PALM2AKAP2: variants seen among roughly 807,000 people sequenced by gnomAD.
The protein encoded by PALM2AKAP2 is PALM2-AKAP2 fusion protein.
In PALM2AKAP2, 37 loss-of-function variants were observed where a neutral mutation model predicts 71.5. That is an observed-to-expected ratio of 0.52 (90% confidence interval 0.40 to 0.68). PALM2AKAP2 has a LOEUF of 0.68. PALM2AKAP2 is among the 30% of genes least tolerant of loss of function. The pLI, the probability that PALM2AKAP2 is intolerant of heterozygous loss-of-function variation, is 0.00. For missense variants in PALM2AKAP2, 1,224 were observed against 1,191.8 expected (o/e 1.03, Z -0.40); for synonymous variants, 468 against 478.8 (o/e 0.98, Z 0.29).
chr9:109,956,734 G>A lies in PALM2AKAP2; in HGVS notation c.496+24706G>A, dbSNP rs550720085. Among the ~76,000 whole-genome samples the A allele has an allele frequency of 3.3e-4, 51 of 152,272 alleles. No homozygotes were observed. In the South Asian group the frequency reaches 1.0e-2, roughly 30 times the overall value. ...TCCTGTTAAAAGAAGGAAATAGCCA[G>A]GTTAGAGAGGTGTCAAAAACATAGC... On this transcript the variant is annotated intron_variant, in intron 6 of 9. Transcript: ENST00000302798.
intron 1 of PALM2AKAP2, among the ~76,000 whole-genome samples, chr9:109,672,307 C>T (rs7875665): frequency 0.09 from 13,695 of 152,100 alleles, 747 homozygotes; most frequent in South Asian, 0.19. Flanking sequence ...GAGTTTTTAA[C>T]GTGGATCAAT....
At chr9:110,023,259 A>G (rs1392468366) in intron 7 of PALM2AKAP2, among the ~76,000 whole-genome samples, 1 of 145,768 alleles carries the variant, frequency 6.9e-6, no homozygotes, top group Non-Finnish European at 1.5e-5. Context: ...TGACTTTTTA[A>G]TGATCCCCAT....
intron 1 of PALM2AKAP2, among the ~76,000 whole-genome samples, chr9:110,074,565 A>T (rs1834277678): frequency 6.6e-6 from 1 of 152,230 alleles, no homozygotes; most frequent in South Asian, 2.1e-4. Context: ...TGTTTTTCAA[A>T]AATGTACCTT....
chr9:110,155,957 G>A (rs1254099105), intron 2 of PALM2AKAP2, among the ~76,000 whole-genome samples: 1 of 152,216 alleles, frequency 6.6e-6, no homozygotes, highest in East Asian at 1.9e-4. Context: ...AAGTGGGTCT[G>A]TGAGTCTCCA....
chr9:109,641,385 A>G (rs771004445), intron 1 of PALM2AKAP2, among the ~76,000 whole-genome samples: 62 of 152,226 alleles, frequency 4.1e-4, no homozygotes, highest in Non-Finnish European at 7.3e-4. Context: ...AGAAGACCCA[A>G]AAGAATTGAT....
rs375267436 is a variant in PALM2AKAP2, at chr9:110,025,264, C to T, written c.582+9225C>T. The T allele has an allele frequency of 2.9e-3, 3,348 of 1,150,076 alleles. 79 individuals carry two copies. The South Asian group carries it at 0.038, about 13-fold the overall frequency. 71.2% of individuals were successfully genotyped at this position (1,150,076 alleles called of 1,614,324 possible). ...TACAATATCACCTTTCTTATAGATT[C>T]GCATATACGTGGCCAAAGGAACAAC... On this transcript the variant is annotated intron_variant, in intron 7 of 9. Coordinates refer to the PALM2AKAP2 transcript ENST00000302798.
At chr9:109,693,428 T>C (rs554325969) in intron 1 of PALM2AKAP2, among the ~76,000 whole-genome samples, 24 of 152,062 alleles carry the variant, frequency 1.6e-4, no homozygotes, top group Admixed American at 1.6e-3. Flanking sequence ...TGCTTTATTT[T>C]TTCTTGGTTT....
At chr9:109,934,881 C>T (rs118062045) in intron 6 of PALM2AKAP2, among the ~76,000 whole-genome samples, 65 of 152,280 alleles carry the variant, frequency 4.3e-4, no homozygotes, top group Non-Finnish European at 7.9e-4. Context: ...TTTTTAATCT[C>T]GAAAGACAAA....
intron 1 of PALM2AKAP2, among the ~76,000 whole-genome samples, chr9:109,690,290 A>C (rs983362141): frequency 4.6e-5 from 7 of 152,224 alleles, no homozygotes; most frequent in African/African-American, 1.7e-4. Flanking sequence ...GCTGTAGGTA[A>C]ATATATCTTG....
intron 6 of PALM2AKAP2, among the ~76,000 whole-genome samples, chr9:109,983,438 C>T (rs72754925): frequency 0.13 from 19,059 of 152,092 alleles, 1,541 homozygotes; most frequent in East Asian, 0.25. Flanking sequence ...CACCCCACTC[C>T]TCCTTTTTTT....
intron 1 of PALM2AKAP2, among the ~76,000 whole-genome samples, chr9:110,072,508 A>C (rs1834226581): frequency 6.6e-6 from 1 of 152,250 alleles, no homozygotes; most frequent in African/African-American, 2.4e-5. Flanking sequence ...GGAATTACTT[A>C]TCTGTGCCCT....
chr9:110,087,348 T>C (rs2118752916), intron 1 of PALM2AKAP2, among the ~76,000 whole-genome samples: 1 of 152,372 alleles, frequency 6.6e-6, no homozygotes, highest in South Asian at 2.1e-4. Context: ...CATGTTTGTC[T>C]TGATCACTGC....
chr9:109,941,662 C>T (rs944106800), intron 6 of PALM2AKAP2, among the ~76,000 whole-genome samples: 8 of 152,220 alleles, frequency 5.3e-5, no homozygotes, highest in African/African-American at 1.4e-4. Context: ...TGCACAGTTT[C>T]TTCCCATCCA....
intron 1 of PALM2AKAP2, among the ~76,000 whole-genome samples, chr9:109,839,854 G>T (rs544298430): frequency 2.0e-5 from 3 of 152,162 alleles, no homozygotes; most frequent in Non-Finnish European, 4.4e-5. Flanking sequence ...ACTGCTCAAC[G>T]AAATAGAAGA....
At chr9:109,660,658 C>T (rs1349124392) in intron 1 of PALM2AKAP2, among the ~76,000 whole-genome samples, 2 of 152,038 alleles carry the variant, frequency 1.3e-5, no homozygotes, top group African/African-American at 2.4e-5. Context: ...AATAAATATA[C>T]GTGTGCATGT....
At chr9:109,901,816 A>G (rs778919675) in intron 3 of PALM2AKAP2, among the ~76,000 whole-genome samples, 1 of 152,230 alleles carries the variant, frequency 6.6e-6, no homozygotes, top group African/African-American at 2.4e-5. Context: ...CAATCTACCA[A>G]TAGAGGATGG....
chr9:110,082,640 A>G (rs1296207809), intron 1 of PALM2AKAP2, among the ~76,000 whole-genome samples: 1 of 152,220 alleles, frequency 6.6e-6, no homozygotes, highest in African/African-American at 2.4e-5. Context: ...GCCCACCACC[A>G]AACAAAACAT....
At chr9:110,095,889 C>T (rs967873784) in intron 1 of PALM2AKAP2, among the ~76,000 whole-genome samples, 1 of 152,188 alleles carries the variant, frequency 6.6e-6, no homozygotes, top group South Asian at 2.1e-4. Context: ...GGGGCTGGGA[C>T]TGGTATGATG....
intron 2 of PALM2AKAP2, among the ~76,000 whole-genome samples, chr9:110,144,899 G>T (rs1048294745): frequency 1.3e-5 from 2 of 152,142 alleles, no homozygotes; most frequent in Non-Finnish European, 2.9e-5. Flanking sequence ...AGTTGCCCAA[G>T]GTCACTCAGC....
Sources: gnomAD v4.1 joint callset for allele counts (sites outside exome capture counted in the v4.1 genomes callset) on GRCh38, gnomAD v4.1.1 for gene constraint, MANE v1.5 for transcripts, NCBI Gene and HGNC (gene_info 2026-07-23, HGNC 2026-07-21) for gene names.